Variants in LGR5 observed in about 807,000 individuals in gnomAD.
The protein encoded by LGR5 is leucine rich repeat containing G protein-coupled receptor 5, also known as leucine-rich repeat-containing G protein-coupled receptor 5.
A neutral mutation model predicts 76.7 loss-of-function variants in LGR5; 54 were observed. That is an observed-to-expected ratio of 0.70 (90% confidence interval 0.57 to 0.88). The LOEUF (loss-of-function observed/expected upper bound fraction) is 0.88. Among genes scored for constraint, LGR5 ranks in the 40% least tolerant of loss-of-function variants. The probability of loss-of-function intolerance (pLI) is 0.00; values close to 1 mark genes in which losing one functional copy is unlikely to be tolerated. For missense variants in LGR5, 1,078 were observed against 1,073.3 expected, an observed-to-expected ratio of 1.00 and a Z score of -0.06; for synonymous variants, 406 against 421.9, an observed-to-expected ratio of 0.96 and a Z score of 0.46.
At chr12:71,510,618 G>C (rs1018114145) in intron 2 of LGR5, among the ~76,000 whole-genome samples, 1 of 152,126 alleles carries the variant, frequency 6.6e-6, no homozygotes, top group Non-Finnish European at 1.5e-5. Flanking sequence ...GCAAGCCCCT[G>C]CCCTCAGGAA....
intron 3 of LGR5, among the ~76,000 whole-genome samples, chr12:71,531,505 T>C (rs996741847): frequency 6.6e-6 from 1 of 152,174 alleles, no homozygotes; most frequent in African/African-American, 2.4e-5. Flanking sequence ...TAAGTTATAT[T>C]CTTGGTGTTT....
chr12:71,475,576 G>T (rs1366513918), intron 1 of LGR5, among the ~76,000 whole-genome samples: 1 of 152,082 alleles, frequency 6.6e-6, no homozygotes, highest in Non-Finnish European at 1.5e-5. Flanking sequence ...AGAACAGCCT[G>T]CTCTCTTATG....
chr12:71,479,331 A>T (rs1162313615), intron 1 of LGR5, among the ~76,000 whole-genome samples: 1 of 152,214 alleles, frequency 6.6e-6, no homozygotes, highest in Non-Finnish European at 1.5e-5. Context: ...CATGTTTGTT[A>T]AAAATAAGCC....
chr12:71,447,997 A>G (rs895586514), intron 1 of LGR5, among the ~76,000 whole-genome samples: 3 of 152,062 alleles, frequency 2.0e-5, no homozygotes, highest in African/African-American at 7.2e-5. Context: ...TTTCACAACT[A>G]GAAGCCAAGT....
chr12:71,574,102 G>T (rs1277093186), intron 13 of LGR5, among the ~76,000 whole-genome samples: 4 of 151,526 alleles, frequency 2.6e-5, no homozygotes, highest in African/African-American at 9.7e-5. Flanking sequence ...AGGAGTTCGA[G>T]ACCAGCCTGG....
rs772696259 is a variant in LGR5 at position 71,535,180 on chromosome 12, A to G, written c.422A>G (p.Gln141Arg). The change falls in exon 4 of 18, where the codon CAA becomes CGA. Residue 141 changes from glutamine (Q) to arginine (R), a missense_variant. Transcript: ENST00000266674. ...GCTCTGCAGAATTTGCGAAGCCTTCAATCCCTGTAAGTATAGTAGACATTG... is the reference window on the plus strand; with the variant it reads ...GCTCTGCAGAATTTGCGAAGCCTTCGATCCCTGTAAGTATAGTAGACATTG... ...TEALQNLRSLQSLRLDANHIS... is the reference protein window; with the variant it reads ...TEALQNLRSLRSLRLDANHIS... 2 of 1,600,218 alleles carry G rather than the reference A, an allele frequency of 1.2e-6. No individual in the cohort carries two copies. Among genetic ancestry groups the G allele is most frequent in the Non-Finnish European group, 1.7e-6 (2 of 1,167,768 alleles).
At chr12:71,555,082 T>A (rs930374836) in intron 5 of LGR5, among the ~76,000 whole-genome samples, 1 of 152,158 alleles carries the variant, frequency 6.6e-6, no homozygotes, top group African/African-American at 2.4e-5. Flanking sequence ...TAGGTTCCCC[T>A]CAATCTCCTT....
At chr12:71,549,940 T>A (rs1055864523) in intron 4 of LGR5, among the ~76,000 whole-genome samples, 1 of 152,114 alleles carries the variant, frequency 6.6e-6, no homozygotes, top group Non-Finnish European at 1.5e-5. Context: ...TCCTTTTTTC[T>A]GGGGGGAAAA....
Position 71,584,336 on chromosome 12 carries a change from T to A in LGR5, c.2326T>A (p.Cys776Ser). ...KHIALLLFTN[C>S]ILNCPVAFLS... ...CATTGCCCTGTTGCTCTTCACCAAC[T>A]GCATCCTAAACTGCCCTGTGGCTTT... The change falls in exon 18 of 18, where the codon TGC becomes AGC. Residue 776 changes from cysteine (C) to serine (S), a missense_variant. Transcript: ENST00000266674. 4 of 1,614,258 alleles carry A rather than the reference T, an allele frequency of 2.5e-6. No individual in the cohort carries two copies. The highest frequency in any genetic ancestry group is 1.6e-4 in the Middle Eastern group (1 of 6,062).
intron 13 of LGR5, among the ~76,000 whole-genome samples, chr12:71,575,714 A>AT (rs1878816640): frequency 3.5e-5 from 4 of 114,726 alleles, no homozygotes; most frequent in South Asian, 3.4e-4. Flanking sequence ...CCATCTCAAA[A>AT]AATATATATG....
chr12:71,458,671 A>T lies in LGR5; in HGVS notation c.212+18379A>T, dbSNP rs552005028. Among the ~76,000 whole-genome samples, 7 of 152,284 alleles carry T rather than the reference A, an allele frequency of 4.6e-5. 1 individual carries two copies. In the East Asian group the frequency reaches 1.3e-3, roughly 29 times the overall value. On this transcript the variant is annotated intron_variant, in intron 1 of 17. Coordinates refer to ENST00000266674, the MANE Select transcript of LGR5 (RefSeq NM_003667.4). ...TATGACTGTGGAAGAGATCTTTCAT[A>T]GTGTCAGCTTCGTGTTCCTGCAAAT...
chr12:71,578,629 A>C (rs1352410348), intron 14 of LGR5, among the ~76,000 whole-genome samples, 175 bp from the exon 15 acceptor site: 1 of 152,232 alleles, frequency 6.6e-6, no homozygotes, highest in Non-Finnish European at 1.5e-5. Flanking sequence ...CCTGATTGTG[A>C]ATAGAAAAGT....
At chr12:71,530,925 C>G (rs1876271805) in intron 3 of LGR5, among the ~76,000 whole-genome samples, 1 of 150,286 alleles carries the variant, frequency 6.7e-6, no homozygotes, top group Non-Finnish European at 1.5e-5. Flanking sequence ...CAGTTGTAAC[C>G]AAGTTCCCAC....
At chr12:71,520,705 C>T (rs1163018815) in intron 2 of LGR5, among the ~76,000 whole-genome samples, 11 of 101,248 alleles carry the variant, frequency 1.1e-4, no homozygotes, top group Middle Eastern at 7.0e-3. Context: ...CATCACACAC[C>T]GGGGCCTGTC....
chr12:71,575,715 A>AT (rs1555176192), intron 13 of LGR5, among the ~76,000 whole-genome samples: 5 of 127,176 alleles, frequency 3.9e-5, no homozygotes, highest in South Asian at 2.4e-4. Flanking sequence ...CATCTCAAAA[A>AT]ATATATATGT....
At chr12:71,560,655 C>T (rs909627462) in intron 7 of LGR5, among the ~76,000 whole-genome samples, 1 of 152,058 alleles carries the variant, frequency 6.6e-6, no homozygotes, top group African/African-American at 2.4e-5. Context: ...GGCTGGGCCT[C>T]GTGGCACATG....
chr12:71,572,083 C>CTT lies in LGR5; in HGVS notation c.1136+518_1136+519dup, dbSNP rs35367098. Among the ~76,000 whole-genome samples the CTT allele has an allele frequency of 9.5e-4, 130 of 137,500 alleles. 1 individual carries two copies. In the South Asian group the frequency reaches 0.013, roughly 14 times the overall value. 90.2% of individuals were successfully genotyped at this position (137,500 alleles called of 152,430 possible). ...ATTGCCTCCCCTACAAAACATCAGC[C>CTT]TTTTTTTTTTTTTTTCTCAAGATGG... On this transcript the variant is annotated intron_variant, in intron 12 of 17. Transcript: ENST00000266674.
intron 11 of LGR5, among the ~76,000 whole-genome samples, chr12:71,568,645 A>G (rs1383144538): frequency 6.6e-6 from 1 of 152,166 alleles, no homozygotes; most frequent in Non-Finnish European, 1.5e-5. Context: ...CTCATTTAGG[A>G]GAACTGAGAA....
intron 2 of LGR5, among the ~76,000 whole-genome samples, chr12:71,520,613 A>G (rs1182037036): frequency 6.6e-6 from 1 of 152,082 alleles, no homozygotes; most frequent in African/African-American, 2.4e-5. Flanking sequence ...AAAGTAACAC[A>G]AGAAGAGAAA....
Sources: allele counts gnomAD v4.1 joint callset (sites outside exome capture counted in the v4.1 genomes callset), GRCh38; gene constraint gnomAD v4.1.1; transcripts MANE v1.5; gene names NCBI Gene and HGNC (gene_info 2026-07-23, HGNC 2026-07-21).